The following PAQR5 variants were observed in gnomAD, a reference collection of about 807,000 sequenced individuals.
The protein encoded by PAQR5 is progestin and adipoQ receptor family member 5.
In PAQR5, 20 loss-of-function variants were observed where a neutral mutation model predicts 34.5. The observed-to-expected ratio is 0.58, with a 90% CI of 0.41 to 0.84. The LOEUF (loss-of-function observed/expected upper bound fraction) is 0.84, where lower values mean the gene tolerates loss of function less well. Ranked by LOEUF, PAQR5 falls within the 40% of genes least tolerant of loss-of-function variation. The pLI is 0.00. For missense variants in PAQR5, 378 were observed against 412.7 expected (o/e 0.92, Z 0.73); for synonymous variants, 131 against 155.6 (o/e 0.84, Z 1.18).
At chr15:69,381,794 A>G (rs182864222) in intron 4 of PAQR5, among the ~76,000 whole-genome samples, 2 of 152,334 alleles carry the variant, frequency 1.3e-5, no homozygotes, top group Admixed American at 1.3e-4. Context: ...CTTAAGCTTT[A>G]CTTCCCGCTG....
At chr15:69,346,297 ATT>A (rs34728909) in intron 2 of PAQR5, among the ~76,000 whole-genome samples, 2 of 81,492 alleles carry the variant, frequency 2.5e-5, no homozygotes, top group Admixed American at 2.0e-4. Context: ...ATATTTTGTA[ATT>A]TTTTTTTTTT....
intron 3 of PAQR5, among the ~76,000 whole-genome samples, chr15:69,369,813 C>A (rs2140883552): frequency 1.3e-5 from 2 of 151,690 alleles, no homozygotes; most frequent in Non-Finnish European, 2.9e-5. Context: ...TTATTTCACA[C>A]TCACTTATCT....
intron 1 of PAQR5, among the ~76,000 whole-genome samples, chr15:69,331,824 A>G (rs2054386604): frequency 6.6e-6 from 1 of 152,178 alleles, no homozygotes; most frequent in African/African-American, 2.4e-5. Flanking sequence ...TGGGATGGAA[A>G]ATGTTAATTT....
chr15:69,355,344 TTTTCTTTCTTTCTTTCTTTC>T (rs202183150), intron 2 of PAQR5, among the ~76,000 whole-genome samples: 18,144 of 54,730 alleles, frequency 0.33, 1,699 homozygotes, highest in South Asian at 0.43. Context: ...TTCTTTCTTT[TTTTCTTTCTTTCTTTCTTTC>T]TTTCTTTCTT....
chr15:69,344,485 T>A (rs905592931), intron 2 of PAQR5, among the ~76,000 whole-genome samples: 1 of 152,206 alleles, frequency 6.6e-6, no homozygotes, highest in Non-Finnish European at 1.5e-5. Context: ...TGTGTGTGAG[T>A]TTATGATTTG....
intron 2 of PAQR5, among the ~76,000 whole-genome samples, chr15:69,356,922 A>G (rs556349425): frequency 5.9e-5 from 9 of 152,230 alleles, no homozygotes; most frequent in Admixed American, 2.6e-4. Flanking sequence ...GTAATCCCCA[A>G]TGCTGAAGGT....
intron 3 of PAQR5, among the ~76,000 whole-genome samples, chr15:69,362,736 G>A (rs1282016967): frequency 1.3e-5 from 2 of 152,144 alleles, no homozygotes. Context: ...GTCATTATTA[G>A]CATTCTCTCC....
intron 3 of PAQR5, among the ~76,000 whole-genome samples, chr15:69,370,442 TA>T (rs564059360): frequency 3.5e-4 from 54 of 152,348 alleles, no homozygotes; most frequent in African/African-American, 1.3e-3. Flanking sequence ...TTAAAAGTTA[TA>T]AATGAAGCCA....
At chr15:69,379,536 G>C in intron 3 of PAQR5, 1 of 985,410 alleles carries the variant, frequency 1.0e-6, no homozygotes, top group Non-Finnish European at 1.2e-6. Flanking sequence ...CCAAAAAGGC[G>C]TCCAAAAACT....
At chr15:69,328,208 C>G (rs1161144230) in intron 1 of PAQR5, among the ~76,000 whole-genome samples, 4 of 151,624 alleles carry the variant, frequency 2.6e-5, no homozygotes, top group African/African-American at 9.7e-5. Context: ...ATCATAATGA[C>G]CTTTGATTGA....
intron 3 of PAQR5, among the ~76,000 whole-genome samples, chr15:69,361,268 A>G (rs371543561): frequency 1.8e-4 from 28 of 152,346 alleles, no homozygotes; most frequent in African/African-American, 6.5e-4. Flanking sequence ...TGAAATTTGT[A>G]TTGACTGCCT....
chr15:69,346,796 A>G (rs1188417291), intron 2 of PAQR5, among the ~76,000 whole-genome samples: 3 of 35,020 alleles, frequency 8.6e-5, no homozygotes, highest in Non-Finnish European at 2.5e-4. Context: ...TAATTTTTGT[A>G]TTTTTATTTA....
chr15:69,364,501 T>A (rs1016368023), intron 3 of PAQR5, among the ~76,000 whole-genome samples: 66 of 144,818 alleles, frequency 4.6e-4, no homozygotes, highest in East Asian at 1.4e-3. Context: ...TTATATATGT[T>A]ATATATATAC....
At chr15:69,395,939 G>A (rs1403346410) in intron 6 of PAQR5, among the ~76,000 whole-genome samples, 1 of 152,006 alleles carries the variant, frequency 6.6e-6, no homozygotes, top group Non-Finnish European at 1.5e-5. Flanking sequence ...GGCTTCTCCG[G>A]GCACACAGTG....
At chr15:69,389,573 G>C in intron 5 of PAQR5, 81 bp from the exon 6 acceptor site, 1 of 1,578,006 alleles carries the variant, frequency 6.3e-7, no homozygotes, top group Non-Finnish European at 8.7e-7. Flanking sequence ...GGCCAAGCCA[G>C]ATGCTGGGGA....
In PAQR5 at chr15:69,299,063, C is replaced by T. The variant is rs2053459735; in HGVS notation, c.-277+7C>T. 1.3e-5 allele frequency: 2 copies of T among 152,088 alleles called. No homozygotes were observed. The highest frequency in any genetic ancestry group is 2.1e-4 in the South Asian group (1 of 4,832). 9.4% of individuals were successfully genotyped at this position (152,088 alleles called of 1,614,324 possible). On this transcript the variant is annotated splice_region_variant and intron_variant, in intron 1 of 8. Transcript: ENST00000395407. ...CGAGACCCTTGGAACCCAGGTAACC[C>T]GGGGCGGGACTCCCCGCCGCGCGCC... is the stretch of plus-strand genomic sequence containing the variant.
intron 1 of PAQR5, among the ~76,000 whole-genome samples, chr15:69,305,504 CG>C (rs1483966282): frequency 6.7e-6 from 1 of 149,098 alleles, no homozygotes. Flanking sequence ...TTACATAAGT[CG>C]GGGTGGGTGG....
At chr15:69,374,867 T>C (rs967737726) in intron 3 of PAQR5, among the ~76,000 whole-genome samples, 10 of 152,130 alleles carry the variant, frequency 6.6e-5, no homozygotes, top group African/African-American at 2.4e-4. Flanking sequence ...GGAACTGGAT[T>C]CTGGGCAGGG....
At chr15:69,300,807 T>TTTCC (rs56373718) in intron 1 of PAQR5, among the ~76,000 whole-genome samples, 13,645 of 23,382 alleles carry the variant, frequency 0.58, 5,900 homozygotes, top group Middle Eastern at 0.88. Context: ...TCTTTCCTTC[T>TTTCC]TTCCTTCCTT....
Sources: allele counts gnomAD v4.1 joint callset (sites outside exome capture counted in the v4.1 genomes callset), GRCh38; gene constraint gnomAD v4.1.1; transcripts MANE v1.5; gene names NCBI Gene and HGNC (gene_info 2026-07-23, HGNC 2026-07-21).